CNOT11: variants seen among roughly 807,000 people sequenced by gnomAD.
The protein encoded by CNOT11 is CCR4-NOT transcription complex subunit 11, also known as UPF0760 protein C2orf29.
In CNOT11, 18 loss-of-function variants were observed where a neutral mutation model predicts 44.6. That is an observed-to-expected ratio of 0.40 (90% CI 0.28 to 0.60). The LOEUF is 0.60. Among genes scored for constraint, CNOT11 ranks in the 20% least tolerant of loss-of-function variants. CNOT11 has a pLI of 0.38. For missense variants in CNOT11, 513 were observed against 677.0 expected (o/e 0.76, Z 2.69); for synonymous variants, 291 against 270.9 (o/e 1.07, Z -0.73).
intron 3 of CNOT11, among the ~76,000 whole-genome samples, chr2:101,263,601 T>G (rs1336571357): frequency 1.3e-5 from 2 of 152,220 alleles, no homozygotes; most frequent in African/African-American, 4.8e-5. Flanking sequence ...CTTTCTGCTT[T>G]GGGATGAGAA....
At chr2:101,258,828 A>G (rs940119566) in intron 2 of CNOT11, among the ~76,000 whole-genome samples, 2 of 151,918 alleles carry the variant, frequency 1.3e-5, no homozygotes, top group African/African-American at 4.8e-5. Flanking sequence ...AAAAAAAAAA[A>G]AAGAAAAATC....
chr2:101,253,380 C>A lies in CNOT11; in HGVS notation c.416C>A (p.Pro139Gln). Residue 139 changes from proline to glutamine, a missense_variant, in exon 1 of 7, where the codon CCG becomes CAG. Coordinates refer to ENST00000289382, the MANE Select transcript of CNOT11 (RefSeq NM_017546.5). This position sits in a 1 kb window ranked among gnomAD's most constrained non-coding sequence, Gnocchi z 4.3. ...YLLWEMYRTE[P>Q]LAANPFAASF... ...CTCTGGGAGATGTACCGCACCGAGCCGCTGGCCGCCAACCCCTTCGCCGCC... is the reference window on the plus strand; with the variant it reads ...CTCTGGGAGATGTACCGCACCGAGCAGCTGGCCGCCAACCCCTTCGCCGCC... 1 of 1,593,404 alleles carries A rather than the reference C, an allele frequency of 6.3e-7. No homozygotes were observed. The highest frequency in any genetic ancestry group is 8.5e-7 in the Non-Finnish European group (1 of 1,176,506).
At position 101,253,279 on chromosome 2, in the gene CNOT11, C is replaced by A. The variant is rs866134398; in HGVS notation, c.315C>A (p.Gly105=). ...GCAAGGCCGACCACTTCCGCCTGGGCTCGGTGCTCGTCATGCTGCTCCAGC... is the reference window on the plus strand; with the variant it reads ...GCAAGGCCGACCACTTCCGCCTGGGATCGGTGCTCGTCATGCTGCTCCAGC... ...YFSKADHFRL[G]SVLVMLLQQP... is the part of the protein sequence containing the mutation. The change falls in exon 1 of 7, where the codon GGC becomes GGA. Residue 105 remains glycine, a synonymous_variant. Coordinates refer to ENST00000289382, the MANE Select transcript of CNOT11 (RefSeq NM_017546.5). The surrounding 1 kb of genome is among the most constrained non-coding windows in gnomAD (Gnocchi z 4.3). The A allele has an allele frequency of 1.2e-6, 2 of 1,611,726 alleles. No homozygotes were observed. The highest frequency in any genetic ancestry group is 3.3e-4 in the Middle Eastern group (2 of 6,014).
At chr2:101,255,228 G>A (rs943941342) in intron 1 of CNOT11, among the ~76,000 whole-genome samples, 1 of 152,004 alleles carries the variant, frequency 6.6e-6, no homozygotes, top group Admixed American at 6.5e-5. Context: ...GGGCGCGGTG[G>A]CTCACGCCTG....
Position 101,269,112 on chromosome 2 carries a change from A to C in CNOT11, c.1311A>C (p.Glu437Asp). 1 of 1,608,286 alleles carries C rather than the reference A, an allele frequency of 6.2e-7. No homozygotes were observed. Among genetic ancestry groups the C allele is most frequent in the African/African-American group, 1.3e-5 (1 of 74,894 alleles). Residue 437 changes from glutamate to aspartate, a missense_variant, in exon 6 of 7, where the codon GAA becomes GAC. By Grantham distance (45) the Glu-to-Asp change is conservative. Transcript: ENST00000289382. This position sits in a 1 kb window ranked among gnomAD's most constrained non-coding sequence, Gnocchi z 4.8. Reference protein sequence around the residue: ...LYISNCISTCEQIKDKYMQNR... With the variant: ...LYISNCISTCDQIKDKYMQNR... Reference sequence around the variant, plus strand: ...TATCAAATTGCATCTCTACTTGTGAACAGATTAAGGATAAATATATGCAGG... The same window carrying C: ...TATCAAATTGCATCTCTACTTGTGACCAGATTAAGGATAAATATATGCAGG...
At chr2:101,257,427 G>GCAGT (rs1681758112) in intron 1 of CNOT11, among the ~76,000 whole-genome samples, 1 of 151,356 alleles carries the variant, frequency 6.6e-6, no homozygotes. Flanking sequence ...ACGCAGCTTG[G>GCAGT]CAGTCAAAGA....
At chr2:101,267,985 G>T (rs1325713087) in intron 5 of CNOT11, among the ~76,000 whole-genome samples, 2 of 152,160 alleles carry the variant, frequency 1.3e-5, no homozygotes, top group Non-Finnish European at 2.9e-5. Context: ...ATGTGAAATT[G>T]AACTACAGAA....
intron 3 of CNOT11, 137 bp downstream of exon 3, chr2:101,262,828 G>A (rs1295182761): frequency 1.5e-6 from 1 of 683,304 alleles, no homozygotes; most frequent in African/African-American, 1.8e-5. Context: ...TTCTAGTGTA[G>A]TGAGTGTCTA....
At position 101,270,077 on chromosome 2, in the gene CNOT11, T is replaced by G. The variant is rs1682075265; in HGVS notation, c.*664T>G. 6.9e-6 allele frequency: 1 copy of G among 144,292 alleles called. No homozygotes were observed. The highest frequency in any genetic ancestry group is 2.6e-5 in the African/African-American group (1 of 38,120). 8.9% of individuals were successfully genotyped at this position (144,292 alleles called of 1,614,324 possible). A position where few individuals can be genotyped will look rare whatever the true frequency, so the allele number is the denominator to read the frequency against. ...TACCAGGCTGTAATAGCTGGTATAG[T>G]TTTTTTTTTTTCTCTTAAGATGTTC... is the stretch of plus-strand genomic sequence containing the variant. On this transcript the variant is annotated 3_prime_UTR_variant, in exon 7 of 7. Transcript: ENST00000289382.
intron 1 of CNOT11, among the ~76,000 whole-genome samples, chr2:101,255,581 GA>G (rs1483658026): frequency 1.3e-5 from 2 of 151,890 alleles, no homozygotes; most frequent in African/African-American, 2.4e-5. Context: ...ACATAGAAGA[GA>G]AAATATCAGT....
At chr2:101,258,035 T>G (rs999976157) in intron 2 of CNOT11, 80 bp downstream of exon 2, 34 of 1,361,534 alleles carry the variant, frequency 2.5e-5, no homozygotes, top group Non-Finnish European at 2.4e-5. Flanking sequence ...TAAAATGATG[T>G]TTTTTGTAAC....
intron 2 of CNOT11, among the ~76,000 whole-genome samples, chr2:101,261,410 T>C: frequency 6.6e-6 from 1 of 152,198 alleles, no homozygotes; most frequent in East Asian, 1.9e-4. Flanking sequence ...TGCCCTTCAT[T>C]GCTGCTGTGG....
chr2:101,257,227 G>A (rs934333583), intron 1 of CNOT11, among the ~76,000 whole-genome samples: 1 of 150,724 alleles, frequency 6.6e-6, no homozygotes, highest in African/African-American at 2.4e-5. Flanking sequence ...ACCCCGACTC[G>A]ACTAAAAATA....
rs917184293 is a variant in CNOT11, at chr2:101,258,079, T to C, written c.679+124T>C. 1.2e-5 allele frequency: 12 copies of C among 989,170 alleles called. No individual in the cohort carries two copies. The East Asian group carries it at 1.3e-4, about 11-fold the overall frequency. 61.3% of individuals were successfully genotyped at this position (989,170 alleles called of 1,614,324 possible). A position where few individuals can be genotyped will look rare whatever the true frequency, so the allele number is the denominator to read the frequency against. Reference sequence around the variant, plus strand: ...GGTTAGTATCATCCATTTTAAAAAGTAGTTTTAGTACTGGATCTTAAATGG... The same window carrying C: ...GGTTAGTATCATCCATTTTAAAAAGCAGTTTTAGTACTGGATCTTAAATGG... On this transcript the variant is annotated intron_variant, in intron 2 of 6. Transcript: ENST00000289382.
At position 101,269,154 on chromosome 2, in the gene CNOT11, A is replaced by G; in HGVS notation, c.1335+18A>G. ...ATATGCAGGTAATATAAATTTTTGT[A>G]AATTTTATAAATGGCTGCCAGGAAA... is the stretch of plus-strand genomic sequence containing the variant. On this transcript the variant is annotated intron_variant, in intron 6 of 6. Transcript: ENST00000289382. The surrounding 1 kb of genome is among the most constrained non-coding windows in gnomAD (Gnocchi z 4.8). The G allele has an allele frequency of 1.3e-6, 2 of 1,598,644 alleles. No individual in the cohort carries two copies. The highest frequency in any genetic ancestry group is 1.7e-6 in the Non-Finnish European group (2 of 1,172,984).
intron 1 of CNOT11, 109 bp from the exon 2 acceptor site, chr2:101,257,682 T>G (rs1681764713): frequency 1.2e-6 from 1 of 818,462 alleles, no homozygotes; most frequent in East Asian, 2.5e-5. Context: ...AATTTAGTTC[T>G]TAAAACTATG....
chr2:101,262,363 C>G (rs1681884883), intron 2 of CNOT11, 176 bp from the exon 3 acceptor site: 1 of 545,796 alleles, frequency 1.8e-6, no homozygotes, highest in African/African-American at 1.9e-5. Flanking sequence ...ATTCCAAGAA[C>G]CTTTCAACAA....
In CNOT11 at chr2:101,265,054, A is replaced by G. The variant is rs369245133; in HGVS notation, c.1035+7A>G. The G allele has an allele frequency of 1.9e-5, 29 of 1,522,168 alleles. No homozygotes were observed. The highest frequency in any genetic ancestry group is 2.5e-5 in the Non-Finnish European group (28 of 1,128,700). The allele number at this position is 1,522,168 out of a possible 1,614,324, so 94.3% of individuals were successfully genotyped here. On this transcript the variant is annotated splice_region_variant and intron_variant, in intron 4 of 6. Coordinates refer to ENST00000289382, the MANE Select transcript of CNOT11 (RefSeq NM_017546.5). Reference sequence around the variant, plus strand: ...CTCTCCCCAACAAACACAGGTGTGTATTGATTGTAAGCATTTTCTTATCTT... The same window carrying G: ...CTCTCCCCAACAAACACAGGTGTGTGTTGATTGTAAGCATTTTCTTATCTT...
chr2:101,265,691 A>G (rs996142058), intron 4 of CNOT11, among the ~76,000 whole-genome samples: 1 of 152,152 alleles, frequency 6.6e-6, no homozygotes, highest in African/African-American at 2.4e-5. Flanking sequence ...GCTGATGGTA[A>G]CGCTTCTGAT....
Sources: gnomAD v4.1 joint callset for allele counts (sites outside exome capture counted in the v4.1 genomes callset) on GRCh38, gnomAD v4.1.1 for gene constraint, Gnocchi (gnomAD v3.1) non-coding constraint, MANE v1.5 for transcripts, NCBI Gene and HGNC (gene_info 2026-07-23, HGNC 2026-07-21) for gene names.